TOP2B: variants seen among roughly 807,000 people sequenced by gnomAD.
TOP2B encodes the protein DNA topoisomerase II beta.
In TOP2B, 51 loss-of-function variants were observed where a neutral mutation model predicts 193.5. That is an observed-to-expected ratio of 0.26 (90% CI 0.21 to 0.33). TOP2B has a LOEUF of 0.33. TOP2B is among the 10% of genes least tolerant of loss of function. The pLI is 1.00. For missense variants in TOP2B, 1,378 were observed against 1,909.3 expected (o/e 0.72, Z 5.19); for synonymous variants, 634 against 635.7 (o/e 1.00, Z 0.04).
chr3:25,638,116 T>C lies in TOP2B; in HGVS notation c.541+49A>G, dbSNP rs1358353252. 3 of 1,486,160 alleles carry C rather than the reference T, an allele frequency of 2.0e-6. No homozygotes were observed. In the South Asian group the frequency reaches 3.8e-5, roughly 19 times the overall value. 92.1% of individuals were successfully genotyped at this position (1,486,160 alleles called of 1,614,324 possible). ...AATTTCCTTAGTAAGTTATACATTT[T>C]ATATTAAGAAAACAGTATTTTTCAA... On this transcript the variant is annotated intron_variant, in intron 5 of 35. Coordinates refer to ENST00000264331, the MANE Select transcript of TOP2B (RefSeq NM_001330700.2).
intron 6 of TOP2B, 136 bp downstream of exon 6, chr3:25,637,079 A>G: frequency 1.5e-6 from 1 of 661,550 alleles, no homozygotes; most frequent in Non-Finnish European, 2.6e-6. Flanking sequence ...TACTCTGATG[A>G]TTTGACTTGG....
At chr3:25,621,791 C>T (rs1282324474) in intron 21 of TOP2B, among the ~76,000 whole-genome samples, 1 of 152,028 alleles carries the variant, frequency 6.6e-6, no homozygotes, top group Non-Finnish European at 1.5e-5. Flanking sequence ...GAGTTCGAGA[C>T]CAGCCTGGCC....
At chr3:25,626,726 G>GTC (rs1203639959) in intron 17 of TOP2B, 46 bp downstream of exon 17, 5 of 1,536,142 alleles carry the variant, frequency 3.3e-6, no homozygotes, top group African/African-American at 1.4e-5. Flanking sequence ...ATGAATTCTA[G>GTC]TCTCTCTCTC....
At chr3:25,629,187 T>A in intron 13 of TOP2B, 42 bp from the exon 14 acceptor site, 1 of 1,364,278 alleles carries the variant, frequency 7.3e-7, no homozygotes, top group Non-Finnish European at 1.0e-6. Context: ...GTAATACTTT[T>A]ATAAAATGAT....
At chr3:25,624,969 G>T in intron 18 of TOP2B, 166 bp from the exon 19 acceptor site, 2 of 645,294 alleles carry the variant, frequency 3.1e-6, no homozygotes, top group Non-Finnish European at 5.1e-6. Context: ...TTGTTTGTTT[G>T]TTTTTTCCTA....
Position 25,624,332 on chromosome 3 carries a change from A to G in TOP2B, c.2460T>C (p.Asp820=). The change falls in exon 20 of 36, where the codon GAT becomes GAC. Residue 820 remains aspartate, a synonymous_variant. Transcript: ENST00000264331. ...TGAAAATATAACGAGGGCTTGCAGC[A>G]TCTTTGCCACCATGAAGCCGAGTTC... ...QFGTRLHGGK[D]AASPRYIFTM... 1 of 1,613,942 alleles carries G rather than the reference A, an allele frequency of 6.2e-7. No individual in the cohort carries two copies. The highest frequency in any genetic ancestry group is 2.2e-5 in the East Asian group (1 of 44,866).
Position 25,647,629 on chromosome 3 carries a change from A to G in TOP2B, c.70-2159T>C, listed in dbSNP as rs528665579. ...CACACAGGGATAAAAAAAAAAAAACAGGAGTAAAACCTTACCTCATGCTTT... is the reference window on the plus strand; with the variant it reads ...CACACAGGGATAAAAAAAAAAAAACGGGAGTAAAACCTTACCTCATGCTTT... On this transcript the variant is annotated intron_variant, in intron 1 of 35. Transcript: ENST00000264331. 8.4e-4 allele frequency among the ~76,000 whole-genome samples: 127 copies of G among 150,952 alleles called. No homozygotes were observed. The East Asian group carries it at 0.018, about 22-fold the overall frequency.
chr3:25,635,179 C>T (rs979324070), intron 7 of TOP2B, among the ~76,000 whole-genome samples: 4 of 152,056 alleles, frequency 2.6e-5, no homozygotes, highest in Admixed American at 6.6e-5. Context: ...CTGGTATTCA[C>T]GGCAACAACA....
intron 28 of TOP2B, among the ~76,000 whole-genome samples, chr3:25,611,519 C>T (rs532269992): frequency 6.6e-6 from 1 of 152,272 alleles, no homozygotes; most frequent in Non-Finnish European, 1.5e-5. Context: ...ACTTGTTGGA[C>T]ACATCTAAAC....
intron 1 of TOP2B, among the ~76,000 whole-genome samples, chr3:25,648,055 C>T (rs1283655587): frequency 6.6e-6 from 1 of 152,212 alleles, no homozygotes; most frequent in Non-Finnish European, 1.5e-5. Context: ...CAACTTCCAC[C>T]TTCTCCCTGG....
chr3:25,646,828 G>A (rs1387126491), intron 1 of TOP2B, among the ~76,000 whole-genome samples: 1 of 151,926 alleles, frequency 6.6e-6, no homozygotes, highest in Non-Finnish European at 1.5e-5. Context: ...ACGAAGATAA[G>A]AATTTAATAT....
In TOP2B at chr3:25,629,140, T is replaced by C; in HGVS notation, c.1695A>G (p.Gln565=). 1 of 1,572,048 alleles carries C rather than the reference T, an allele frequency of 6.4e-7. No homozygotes were observed. Among genetic ancestry groups the C allele is most frequent in the Non-Finnish European group, 8.6e-7 (1 of 1,161,890 alleles). ...GCAGGCCTTTTATGTGAGAACCATC[T>C]TGATCCTAAATAAATGTTAGTAAAG... ...GKIMIMTDQD[Q]DGSHIKGLLI... Residue 565 remains glutamine, a synonymous_variant, in exon 14 of 36, where the codon CAA becomes CAG. Transcript: ENST00000264331.
At chr3:25,626,310 T>A (rs1274145376) in intron 18 of TOP2B, among the ~76,000 whole-genome samples, 1 of 152,126 alleles carries the variant, frequency 6.6e-6, no homozygotes, top group African/African-American at 2.4e-5. Flanking sequence ...TTAAGACTTT[T>A]AAAGTTAATT....
intron 1 of TOP2B, among the ~76,000 whole-genome samples, chr3:25,656,343 C>G (rs184525903): frequency 1.3e-5 from 2 of 152,114 alleles, no homozygotes; most frequent in African/African-American, 4.8e-5. Context: ...ATAGGCCTGT[C>G]GTCCCAGCTA....
chr3:25,604,179 T>C (rs960097683), intron 33 of TOP2B, among the ~76,000 whole-genome samples: 5 of 152,182 alleles, frequency 3.3e-5, no homozygotes, highest in African/African-American at 1.2e-4. Flanking sequence ...CTGTCTTAAA[T>C]AGCACACATC....
chr3:25,664,319 G>A lies in TOP2B; in HGVS notation c.-22C>T, dbSNP rs1322106022. On this transcript the variant is annotated 5_prime_UTR_variant, in exon 1 of 36. Transcript: ENST00000264331. The stretch of plus-strand genomic sequence containing the variant: ...CCATGGCGAGTGCCTCCAGCTCACA[G>A]GCCCTGAGGCCGCAGCCGCCGCTCC... The A allele has an allele frequency of 2.7e-6, 4 of 1,475,040 alleles. No individual in the cohort carries two copies. Among genetic ancestry groups the A allele is most frequent in the South Asian group, 2.6e-5 (2 of 77,156 alleles). The allele number at this position is 1,475,040 out of a possible 1,614,324, so 91.4% of individuals were successfully genotyped here. A position where few individuals can be genotyped will look rare whatever the true frequency, so the allele number is the denominator to read the frequency against.
At chr3:25,627,424 C>T (rs1014998822) in intron 15 of TOP2B, 128 bp from the exon 16 acceptor site, 6 of 506,838 alleles carry the variant, frequency 1.2e-5, no homozygotes, top group South Asian at 8.4e-5. Context: ...AGTGATCAAT[C>T]TTAATAAGCA....
At chr3:25,624,891 T>C in intron 18 of TOP2B, 88 bp from the exon 19 acceptor site, 1 of 1,281,156 alleles carries the variant, frequency 7.8e-7, no homozygotes, top group Admixed American at 2.5e-5. Context: ...AATTTGCTTT[T>C]CAAGAACACC....
chr3:25,608,300 A>G (rs1210576159), intron 30 of TOP2B, among the ~76,000 whole-genome samples: 2 of 152,228 alleles, frequency 1.3e-5, no homozygotes. Flanking sequence ...TTTTATTATA[A>G]TTTCTAGCAT....
Sources: gnomAD v4.1 joint callset for allele counts (sites outside exome capture counted in the v4.1 genomes callset) on GRCh38, gnomAD v4.1.1 for gene constraint, MANE v1.5 for transcripts, NCBI Gene and HGNC (gene_info 2026-07-23, HGNC 2026-07-21) for gene names.